Variants in DNMBP observed in about 807,000 individuals in gnomAD.
The protein encoded by DNMBP is dynamin binding protein, also known as dynamin-binding protein.
In DNMBP, 87 loss-of-function variants were observed where a neutral mutation model predicts 150.0. The observed-to-expected ratio is 0.58, with a 90% confidence interval of 0.49 to 0.69. DNMBP has a LOEUF of 0.69. DNMBP is among the 30% of genes least tolerant of loss of function. The pLI, the probability that DNMBP is intolerant of heterozygous loss-of-function variation, is 0.00. For synonymous variants in DNMBP, 711 were observed against 750.4 expected (o/e 0.95, Z 0.86); for missense variants, 1,774 against 1,949.0 (o/e 0.91, Z 1.69).
Position 99,955,967 on chromosome 10 carries a change from C to G in DNMBP, c.1507G>C (p.Ala503Pro). ...RQSSPQLHNL[A>P]SYTKKHHTSS... Reference sequence around the variant, plus strand: ...GTGTGGTGCTTTTTAGTATAACTTGCTAGGTTGTGGAGCTGAGGACTTGAT... The same window carrying G: ...GTGTGGTGCTTTTTAGTATAACTTGGTAGGTTGTGGAGCTGAGGACTTGAT... Residue 503 changes from alanine (A) to proline (P), a missense_variant, in exon 4 of 17, where the codon GCA becomes CCA. This residue lies in a region of DNMBP where 1,430 missense variants were observed against 1,492.5 expected (regional missense o/e 0.96). Transcript: ENST00000324109. 1 of 1,614,092 alleles carries G rather than the reference C, an allele frequency of 6.2e-7. No homozygotes were observed. Among genetic ancestry groups the G allele is most frequent in the Non-Finnish European group, 8.5e-7 (1 of 1,179,994 alleles).
intron 4 of DNMBP, chr10:99,913,978 G>A: frequency 1.4e-6 from 2 of 1,478,992 alleles, no homozygotes; most frequent in Non-Finnish European, 9.0e-7. Flanking sequence ...CTGGCTGTGT[G>A]TGGAGGTGTG....
chr10:99,878,310 T>C (rs2039307567), intron 16 of DNMBP, among the ~76,000 whole-genome samples: 1 of 152,154 alleles, frequency 6.6e-6, no homozygotes, highest in African/African-American at 2.4e-5. Flanking sequence ...GGAGAAGCCA[T>C]GAGGCCCATG....
At chr10:99,965,472 A>G (rs1369641778) in intron 3 of DNMBP, among the ~76,000 whole-genome samples, 6 of 151,840 alleles carry the variant, frequency 4.0e-5, no homozygotes, top group Admixed American at 2.6e-4. Context: ...AAAACACAAC[A>G]GATCTCAAAC....
intron 3 of DNMBP, among the ~76,000 whole-genome samples, chr10:99,964,472 C>A (rs1368432460): frequency 6.6e-6 from 1 of 151,662 alleles, no homozygotes; most frequent in Non-Finnish European, 1.5e-5. Context: ...CCCTCCACCC[C>A]CCACCTTTCT....
At chr10:99,926,218 C>T (rs914212869) in intron 4 of DNMBP, among the ~76,000 whole-genome samples, 2 of 152,206 alleles carry the variant, frequency 1.3e-5, no homozygotes, top group Non-Finnish European at 2.9e-5. Context: ...GAGTAGCTCA[C>T]ATTGTACTAA....
At chr10:100,001,410 G>GTTTTTTT (rs1346291816) in intron 1 of DNMBP, among the ~76,000 whole-genome samples, 6 of 96,378 alleles carry the variant, frequency 6.2e-5, no homozygotes, top group African/African-American at 1.6e-4. Context: ...TTTTGTTGTT[G>GTTTTTTT]TTGTTTTTTT....
At chr10:99,895,648 T>C (rs1174354246) in intron 10 of DNMBP, among the ~76,000 whole-genome samples, 1 of 152,224 alleles carries the variant, frequency 6.6e-6, no homozygotes, top group Non-Finnish European at 1.5e-5. Flanking sequence ...CTGTTCCTCA[T>C]GAGGTTCCCC....
chr10:100,005,745 C>T (rs1180384948), intron 1 of DNMBP, among the ~76,000 whole-genome samples: 2 of 125,768 alleles, frequency 1.6e-5, no homozygotes, highest in African/African-American at 6.2e-5. Context: ...CAGAGTGAGA[C>T]TCTTGTCTCA....
intron 4 of DNMBP, among the ~76,000 whole-genome samples, chr10:99,922,646 CT>C (rs2133269006): frequency 6.6e-6 from 1 of 151,210 alleles, no homozygotes; most frequent in East Asian, 2.0e-4. Flanking sequence ...GCCTCCTGAA[CT>C]GCTGGGACCA....
intron 11 of DNMBP, among the ~76,000 whole-genome samples, chr10:99,892,951 C>G (rs965391936): frequency 1.3e-5 from 2 of 152,028 alleles, no homozygotes; most frequent in Non-Finnish European, 2.9e-5. Context: ...CCATCTCAGA[C>G]AAAGGACTAT....
chr10:99,884,250 T>G, intron 14 of DNMBP, 41 bp from the exon 15 acceptor site: 1,529 of 1,333,468 alleles, frequency 1.1e-3, no homozygotes, highest in Non-Finnish European at 1.5e-3. Flanking sequence ...CAGTGGCCAC[T>G]ACCCCAGCAG....
At chr10:99,898,785 A>G in intron 7 of DNMBP, 25 bp from the exon 8 acceptor site, 1 of 1,609,268 alleles carries the variant, frequency 6.2e-7, no homozygotes, top group East Asian at 2.2e-5. Context: ...GCATGAAAAG[A>G]AAAGAGACAG....
intron 6 of DNMBP, among the ~76,000 whole-genome samples, chr10:99,906,981 T>C (rs1332419904): frequency 6.6e-6 from 1 of 152,234 alleles, no homozygotes; most frequent in Non-Finnish European, 1.5e-5. Flanking sequence ...AAATGTATTT[T>C]AAATTATGAC....
At chr10:99,916,515 G>A (rs2039966677) in intron 4 of DNMBP, among the ~76,000 whole-genome samples, 2 of 152,262 alleles carry the variant, frequency 1.3e-5, no homozygotes, top group South Asian at 2.1e-4. Context: ...AATATGCAAC[G>A]GTATTCCAGG....
Position 99,955,468 on chromosome 10 carries a change from G to A in DNMBP, c.2006C>T (p.Thr669Ile). 6 of 1,606,984 alleles carry A rather than the reference G, an allele frequency of 3.7e-6. No homozygotes were observed. The highest frequency in any genetic ancestry group is 5.1e-6 in the Non-Finnish European group (6 of 1,176,138). The change falls in exon 4 of 17, where the codon ACC (threonine) becomes ATC (isoleucine). Residue 669 changes from threonine to isoleucine, a missense_variant. This residue lies in a region of DNMBP where 1,430 missense variants were observed against 1,492.5 expected (regional missense o/e 0.96). Coordinates refer to ENST00000324109, the MANE Select transcript of DNMBP (RefSeq NM_015221.4). ...SPKLLSRHRP[T>I]CETLEKEGPG... Reference sequence around the variant, plus strand: ...GCCCTCCTTTTCTAAGGTCTCACAGGTAGGACGGTGTCGAGATAGGAGCTT... The same window carrying A: ...GCCCTCCTTTTCTAAGGTCTCACAGATAGGACGGTGTCGAGATAGGAGCTT...
Position 99,876,992 on chromosome 10 carries a change from A to G in DNMBP, c.*159T>C, listed in dbSNP as rs1174153370. Reference sequence around the variant, plus strand: ...AGTGAGCATCAAGGTTTACAACCCAATCGAGGAGAACAAGATCTGTGGTGT... The same window carrying G: ...AGTGAGCATCAAGGTTTACAACCCAGTCGAGGAGAACAAGATCTGTGGTGT... On this transcript the variant is annotated 3_prime_UTR_variant, in exon 17 of 17. Coordinates refer to ENST00000324109, the MANE Select transcript of DNMBP (RefSeq NM_015221.4). The G allele has an allele frequency of 3.5e-6, 2 of 576,112 alleles. No individual in the cohort carries two copies. The highest frequency in any genetic ancestry group is 5.9e-6 in the Non-Finnish European group (2 of 337,304). The allele number at this position is 576,112 out of a possible 1,614,324, so 35.7% of individuals were successfully genotyped here.
intron 14 of DNMBP, among the ~76,000 whole-genome samples, chr10:99,885,202 G>A (rs889787123): frequency 1.6e-4 from 25 of 151,824 alleles, no homozygotes; most frequent in African/African-American, 6.1e-4. Context: ...TTAATACTGG[G>A]TTAATCCCCT....
chr10:99,983,129 T>C (rs1435286674), intron 1 of DNMBP, among the ~76,000 whole-genome samples: 5 of 152,158 alleles, frequency 3.3e-5, no homozygotes, highest in Non-Finnish European at 7.4e-5. Context: ...GTAGGGGCAG[T>C]CCAGCGGAGG....
chr10:99,951,199 A>C lies in DNMBP; in HGVS notation c.2260+4015T>G, dbSNP rs556733241. ...GTTGAGCCTGCGGGTGCACAGAAGAACTGAGGTTTGGGAACCTCTGCCTCG... is the reference window on the plus strand; with the variant it reads ...GTTGAGCCTGCGGGTGCACAGAAGACCTGAGGTTTGGGAACCTCTGCCTCG... On this transcript the variant is annotated intron_variant, in intron 4 of 16. Transcript: ENST00000324109. Among the ~76,000 whole-genome samples the C allele has an allele frequency of 3.9e-4, 60 of 152,334 alleles. 1 individual carries two copies. Among genetic ancestry groups the C allele is most frequent in the Admixed American group, 1.0e-3 (16 of 15,304 alleles).
Sources: allele counts gnomAD v4.1 joint callset (sites outside exome capture counted in the v4.1 genomes callset), GRCh38; gene constraint gnomAD v4.1.1; regional missense constraint gnomAD v4.1.1; transcripts MANE v1.5; gene names NCBI Gene and HGNC (gene_info 2026-07-23, HGNC 2026-07-21).